Variants in SUMF1 observed in about 807,000 individuals in gnomAD.
SUMF1 encodes the protein formylglycine-generating enzyme.
A neutral mutation model predicts 47.6 loss-of-function variants in SUMF1; 48 were observed. The ratio of observed to expected loss-of-function variants is 1.01; its 90% CI spans 0.80 to 1.28. The LOEUF (loss-of-function observed/expected upper bound fraction) is 1.28. Ranked by LOEUF, SUMF1 falls within the 50% of genes most tolerant of loss-of-function variation. SUMF1 has a pLI of 0.00. For missense variants in SUMF1, 571 were observed against 485.4 expected (o/e 1.18, Z -1.66); for synonymous variants, 230 against 192.1 (o/e 1.20, Z -1.63).
chr3:4,172,418 A>C (rs1016125059), intron 8 of SUMF1, among the ~76,000 whole-genome samples: 3 of 152,184 alleles, frequency 2.0e-5, no homozygotes, highest in African/African-American at 7.2e-5. Flanking sequence ...CTAGGACCTA[A>C]AATCCACCTG....
rs756510150 is a variant in SUMF1, at chr3:4,452,873, T to C, written c.444+3A>G. 2.5e-6 allele frequency: 4 copies of C among 1,614,170 alleles called. No homozygotes were observed. The highest frequency in any genetic ancestry group is 1.7e-6 in the Non-Finnish European group (2 of 1,180,030). ...TTCTCCCTCCTTTCCCCAATCCCATTACCTCTGTCAAATAGCCAGTTGAGT... is the reference window on the plus strand; with the variant it reads ...TTCTCCCTCCTTTCCCCAATCCCATCACCTCTGTCAAATAGCCAGTTGAGT... On this transcript the variant is annotated splice_donor_region_variant and intron_variant, in intron 2 of 8. Coordinates refer to ENST00000272902, the MANE Select transcript of SUMF1 (RefSeq NM_182760.4).
At chr3:4,305,037 A>G (rs899850044) in intron 8 of SUMF1, among the ~76,000 whole-genome samples, 4 of 152,178 alleles carry the variant, frequency 2.6e-5, no homozygotes, top group African/African-American at 9.7e-5. Flanking sequence ...CTGGTTAACA[A>G]TTGGTTGAGT....
At chr3:4,460,757 A>C (rs1321182440) in intron 1 of SUMF1, among the ~76,000 whole-genome samples, 2 of 151,816 alleles carry the variant, frequency 1.3e-5, no homozygotes, top group Non-Finnish European at 2.9e-5. Context: ...GTCTGGTCTC[A>C]AGCAACTCTC....
chr3:4,407,086 AC>A (rs35221105), intron 7 of SUMF1, among the ~76,000 whole-genome samples: 1 of 18,074 alleles, frequency 5.5e-5, no homozygotes, highest in Non-Finnish European at 1.4e-4. Flanking sequence ...CACACATGGG[AC>A]ACACACACAC....
intron 8 of SUMF1, among the ~76,000 whole-genome samples, chr3:4,240,537 C>G (rs961405080): frequency 7.3e-5 from 11 of 151,538 alleles, no homozygotes; most frequent in Non-Finnish European, 5.9e-5. Context: ...TTAAAATTAC[C>G]CATAAACTTG....
intron 7 of SUMF1, among the ~76,000 whole-genome samples, chr3:4,407,131 C>CT (rs1701402490): frequency 6.6e-6 from 1 of 151,818 alleles, no homozygotes; most frequent in East Asian, 1.9e-4. Context: ...CCAAGCTGAC[C>CT]TTTTTTTCCC....
At chr3:4,263,170 A>G (rs1416765938) in intron 8 of SUMF1, among the ~76,000 whole-genome samples, 1 of 152,204 alleles carries the variant, frequency 6.6e-6, no homozygotes, top group Non-Finnish European at 1.5e-5. Context: ...AAAATCTCCA[A>G]TCTGTAATAT....
intron 8 of SUMF1, among the ~76,000 whole-genome samples, chr3:4,286,672 G>A (rs899577979): frequency 9.2e-5 from 14 of 152,040 alleles, no homozygotes; most frequent in Admixed American, 4.6e-4. Context: ...AATAAGTTTC[G>A]CAAGTTAAAG....
intron 3 of SUMF1, among the ~76,000 whole-genome samples, chr3:4,431,316 T>C (rs972804895): frequency 7.9e-5 from 12 of 152,346 alleles, no homozygotes; most frequent in South Asian, 4.1e-4. Context: ...ATTTTACATA[T>C]ACCTACCCTT....
At chr3:4,312,776 G>T in intron 8 of SUMF1, 5 of 1,096,048 alleles carry the variant, frequency 4.6e-6, no homozygotes, top group South Asian at 1.8e-5. Context: ...GCTGTGTTTT[G>T]ACAGTTTTGT....
chr3:4,407,435 A>G (rs1254528319), intron 7 of SUMF1, among the ~76,000 whole-genome samples: 6 of 152,224 alleles, frequency 3.9e-5, no homozygotes, highest in African/African-American at 1.4e-4. Flanking sequence ...TGAAATATTT[A>G]CTAACCACGT....
At chr3:4,222,669 G>C (rs993079898) in intron 8 of SUMF1, among the ~76,000 whole-genome samples, 4 of 152,096 alleles carry the variant, frequency 2.6e-5, no homozygotes, top group Non-Finnish European at 5.9e-5. Flanking sequence ...TAAACTGAGA[G>C]TTTTTCTGCC....
At position 4,035,622 on chromosome 3, in the gene SUMF1, AG is replaced by A. The variant is rs1222484095; in HGVS notation, c.1191+32946del. Among the ~76,000 whole-genome samples the A allele has an allele frequency of 9.2e-5, 14 of 152,290 alleles. No homozygotes were observed. In the East Asian group the frequency reaches 1.9e-3, roughly 21 times the overall value. ...GAGAGGCCACAACTCAACCTTCTAT[AG>A]GCTTCCATTAGGCTGTATGATAGAT... On this transcript the variant is annotated intron_variant and NMD_transcript_variant, in intron 9 of 12. Transcript: ENST00000448413.
At chr3:4,246,366 G>A (rs1405578631) in intron 8 of SUMF1, among the ~76,000 whole-genome samples, 1 of 149,690 alleles carries the variant, frequency 6.7e-6, no homozygotes, top group Admixed American at 6.6e-5. Context: ...GCCGTAGACT[G>A]GAGCTGTTCC....
intron 8 of SUMF1, among the ~76,000 whole-genome samples, chr3:4,369,514 T>C (rs984922205): frequency 6.6e-6 from 1 of 152,134 alleles, no homozygotes; most frequent in African/African-American, 2.4e-5. Context: ...CAAGCATGTG[T>C]AGCAAACTCC....
intron 8 of SUMF1, among the ~76,000 whole-genome samples, chr3:4,103,526 T>C (rs1693086358): frequency 1.3e-5 from 2 of 152,138 alleles, no homozygotes; most frequent in South Asian, 4.1e-4. Context: ...TGGCAAGTCC[T>C]AGAATGTTCC....
At chr3:4,075,861 A>G (rs1692421032) in intron 8 of SUMF1, among the ~76,000 whole-genome samples, 1 of 152,186 alleles carries the variant, frequency 6.6e-6, no homozygotes, top group South Asian at 2.1e-4. Flanking sequence ...ATGGAAAAAC[A>G]TTCCATGCTC....
chr3:4,223,131 G>C (rs1291215454), intron 8 of SUMF1, among the ~76,000 whole-genome samples: 1 of 152,056 alleles, frequency 6.6e-6, no homozygotes, highest in Non-Finnish European at 1.5e-5. Flanking sequence ...AAAAATACCT[G>C]ACAAATAGAA....
At chr3:4,318,271 C>T (rs1559222802) in intron 8 of SUMF1, among the ~76,000 whole-genome samples, 1 of 151,782 alleles carries the variant, frequency 6.6e-6, no homozygotes, top group East Asian at 1.9e-4. Context: ...GGGATTTATC[C>T]CAGGAAAGCA....
Sources: allele counts gnomAD v4.1 joint callset (sites outside exome capture counted in the v4.1 genomes callset), GRCh38; gene constraint gnomAD v4.1.1; transcripts MANE v1.5; gene names NCBI Gene and HGNC (gene_info 2026-07-23, HGNC 2026-07-21).